COL4A1: variants seen among roughly 807,000 people sequenced by gnomAD.
COL4A1 encodes the protein collagen type IV alpha 1 chain, also known as collagen alpha-1(IV) chain.
Under a neutral mutation model 216.6 loss-of-function variants are expected in COL4A1, and 40 were observed. The ratio of observed to expected loss-of-function variants is 0.18; its 90% CI spans 0.14 to 0.24. COL4A1 has a LOEUF of 0.24. Ranked by LOEUF, COL4A1 falls within the 10% of genes least tolerant of loss-of-function variation. The probability of loss-of-function intolerance (pLI) is 1.00; values close to 1 mark genes in which losing one functional copy is unlikely to be tolerated. For synonymous variants in COL4A1, 839 were observed against 810.7 expected (o/e 1.03, Z -0.59); for missense variants, 1,628 against 2,196.8 (o/e 0.74, Z 5.18).
At chr13:110,305,105 A>G (rs973197584) in intron 1 of COL4A1, among the ~76,000 whole-genome samples, 8 of 152,252 alleles carry the variant, frequency 5.3e-5, no homozygotes, top group Non-Finnish European at 1.2e-4. Context: ...ATACCCATAC[A>G]TCATCTGCAC....
At chr13:110,208,689 A>C (rs1449519461) in intron 12 of COL4A1, among the ~76,000 whole-genome samples, 160 bp downstream of exon 12, 1 of 152,226 alleles carries the variant, frequency 6.6e-6, no homozygotes, top group Non-Finnish European at 1.5e-5. Context: ...AAATTCAATA[A>C]TGCTGGCATT....
chr13:110,260,604 C>A (rs950554954), intron 1 of COL4A1, among the ~76,000 whole-genome samples: 1 of 152,318 alleles, frequency 6.6e-6, no homozygotes, highest in African/African-American at 2.4e-5. Flanking sequence ...GAATGCATGC[C>A]TCTCGTGCTG....
rs1242192012 is a variant in COL4A1, at chr13:110,149,313, C to G, written c.*1050G>C. 1 of 154,750 alleles carries G rather than the reference C, an allele frequency of 6.5e-6. No individual in the cohort carries two copies. The allele number at this position is 154,750 out of a possible 1,614,324, so 9.6% of individuals were successfully genotyped here. On this transcript the variant is annotated 3_prime_UTR_variant, in exon 52 of 52. Coordinates refer to ENST00000375820, the MANE Select transcript of COL4A1 (RefSeq NM_001845.6). ...GTGTGAAAATACTGATACTGTGATT[C>G]AACAGAGCTGTTTTTCAAGCCAGGA...
intron 1 of COL4A1, among the ~76,000 whole-genome samples, chr13:110,280,121 T>A (rs1354331348): frequency 6.6e-6 from 1 of 152,266 alleles, no homozygotes; most frequent in East Asian, 1.9e-4. Context: ...TACCAAATGA[T>A]GAAGTTTGCC....
intron 2 of COL4A1, among the ~76,000 whole-genome samples, chr13:110,230,150 TGAA>T (rs751297875): frequency 3.4e-4 from 52 of 151,368 alleles, no homozygotes; most frequent in Middle Eastern, 6.8e-3. Context: ...GGGAGGTTCC[TGAA>T]GAAAGTGCGT....
rs554476531 is a variant in COL4A1 at position 110,271,002 on chromosome 13, C to T, written c.85-28268G>A. On this transcript the variant is annotated intron_variant, in intron 1 of 51. Transcript: ENST00000375820. ...ACAGCACGTGTCACAAAGACACATG[C>T]GCCAGCTGGAAGGAGCTCCCAAAGA... 5.3e-5 allele frequency among the ~76,000 whole-genome samples: 8 copies of T among 152,180 alleles called. No individual in the cohort carries two copies. In the East Asian group the frequency reaches 1.4e-3, roughly 26 times the overall value.
At chr13:110,256,095 A>G (rs1445946107) in intron 1 of COL4A1, among the ~76,000 whole-genome samples, 1 of 151,506 alleles carries the variant, frequency 6.6e-6, no homozygotes, top group African/African-American at 2.4e-5. Flanking sequence ...CTTATCTATT[A>G]AATCATACCT....
At chr13:110,173,839 C>G in intron 40 of COL4A1, 61 bp downstream of exon 40, 3 of 1,595,562 alleles carry the variant, frequency 1.9e-6, no homozygotes, top group Non-Finnish European at 2.6e-6. Context: ...CACAGGCAGT[C>G]TGCAGGTCTC....
At chr13:110,162,924 C>A (rs1566340867) in intron 47 of COL4A1, among the ~76,000 whole-genome samples, 1 of 152,224 alleles carries the variant, frequency 6.6e-6, no homozygotes, top group East Asian at 1.9e-4. Context: ...CAGTAAGGGA[C>A]CTCGCAGGCA....
intron 1 of COL4A1, among the ~76,000 whole-genome samples, chr13:110,296,086 G>C (rs1358512657): frequency 1.3e-5 from 2 of 152,198 alleles, no homozygotes; most frequent in African/African-American, 2.4e-5. Context: ...TATTAAACTA[G>C]GACCTTCCCA....
chr13:110,150,393 G>C lies in COL4A1; in HGVS notation c.4980C>G (p.Ser1660Arg). The C allele has an allele frequency of 6.2e-7, 1 of 1,613,984 alleles. No individual in the cohort carries two copies. The highest frequency in any genetic ancestry group is 8.5e-7 in the Non-Finnish European group (1 of 1,179,986). ...TTCTTCTCATACAGACTTGGCAGCG[G>C]CTGACGTGCGTGCGCAGCTCCCCTG... ...LKAGELRTHVSRCQVCMRRT is the reference protein window; with the variant it reads ...LKAGELRTHVRRCQVCMRRT Residue 1660 changes from serine to arginine, a missense_variant, in exon 52 of 52, where the codon AGC becomes AGG. By Grantham distance (110) the Ser-to-Arg change is moderately radical. Transcript: ENST00000375820.
At chr13:110,303,460 A>G (rs1360080324) in intron 1 of COL4A1, among the ~76,000 whole-genome samples, 2 of 152,212 alleles carry the variant, frequency 1.3e-5, no homozygotes, top group Non-Finnish European at 2.9e-5. Context: ...CACAGAAACA[A>G]TGACATTTTG....
intron 2 of COL4A1, among the ~76,000 whole-genome samples, chr13:110,224,875 T>C (rs1452726274): frequency 6.6e-6 from 1 of 152,146 alleles, no homozygotes; most frequent in Admixed American, 6.5e-5. Context: ...GGATTTTTTT[T>C]TTCTTTTTTT....
intron 4 of COL4A1, 65 bp from the exon 5 acceptor site, chr13:110,212,683 T>C: frequency 6.3e-7 from 1 of 1,576,216 alleles, no homozygotes. Flanking sequence ...TCCTCCTGCA[T>C]CTCCCCGGTT....
chr13:110,249,807 G>C (rs1206080531), intron 1 of COL4A1, among the ~76,000 whole-genome samples: 1 of 152,058 alleles, frequency 6.6e-6, no homozygotes. Context: ...GTAAAATATA[G>C]GCCAAATGTT....
chr13:110,285,641 G>A (rs1883811881), intron 1 of COL4A1, among the ~76,000 whole-genome samples: 2 of 152,204 alleles, frequency 1.3e-5, no homozygotes, highest in South Asian at 2.1e-4. Flanking sequence ...CCTCCCCAGA[G>A]TAGGCTGGTC....
chr13:110,283,732 A>C (rs2064287874), intron 1 of COL4A1, among the ~76,000 whole-genome samples: 1 of 152,162 alleles, frequency 6.6e-6, no homozygotes. Context: ...CTGTGAGCTC[A>C]TCTGGGGCTC....
At chr13:110,179,619 T>C (rs1878058683) in intron 29 of COL4A1, among the ~76,000 whole-genome samples, 198 bp from the exon 30 acceptor site, 1 of 152,094 alleles carries the variant, frequency 6.6e-6, no homozygotes, top group African/African-American at 2.4e-5. Flanking sequence ...GCCCCATAGG[T>C]GGGTAACTTT....
Position 110,214,421 on chromosome 13 carries a change from T to C in COL4A1, c.145-406A>G, listed in dbSNP as rs559716933. ...GCCTAATTTTAGGTGCCAAGTTGAC[T>C]GGGTCACAGGATAATCAGAGAGCTG... On this transcript the variant is annotated intron_variant, in intron 2 of 51. Transcript: ENST00000375820. Among the ~76,000 whole-genome samples the C allele has an allele frequency of 2.0e-5, 3 of 152,252 alleles. No individual in the cohort carries two copies. In the East Asian group the frequency reaches 5.8e-4, roughly 29 times the overall value.
Sources: allele counts gnomAD v4.1 joint callset (sites outside exome capture counted in the v4.1 genomes callset), GRCh38; gene constraint gnomAD v4.1.1; transcripts MANE v1.5; gene names NCBI Gene and HGNC (gene_info 2026-07-23, HGNC 2026-07-21).